Variants in TTC28 observed in about 807,000 individuals in gnomAD.
TTC28 encodes the protein tetratricopeptide repeat domain 28.
TTC28 carries 61 observed loss-of-function variants against 198.0 expected under a neutral mutation model. The observed-to-expected ratio is 0.31, with a 90% CI of 0.25 to 0.38. The LOEUF (loss-of-function observed/expected upper bound fraction) is 0.38. Ranked by LOEUF, TTC28 falls within the 10% of genes least tolerant of loss-of-function variation. TTC28 has a pLI of 1.00. For missense variants in TTC28, 2,678 were observed against 3,164.0 expected (o/e 0.85, Z 3.69); for synonymous variants, 1,171 against 1,297.8 (o/e 0.90, Z 2.10).
intron 5 of TTC28, among the ~76,000 whole-genome samples, chr22:28,274,996 AAAAAG>A (rs1313226201): frequency 6.6e-6 from 1 of 150,918 alleles, no homozygotes; most frequent in Admixed American, 6.6e-5. Flanking sequence ...AAAAAAAAAA[AAAAAG>A]AGAGAGAGAG....
At chr22:28,281,043 A>G (rs975130162) in intron 5 of TTC28, among the ~76,000 whole-genome samples, 3 of 152,060 alleles carry the variant, frequency 2.0e-5, no homozygotes, top group African/African-American at 7.2e-5. Flanking sequence ...TAATTGGTTT[A>G]TAGTAGAATA....
In TTC28 at chr22:28,211,315, C is replaced by A. The variant is rs376487817; in HGVS notation, c.934-47716G>T. On this transcript the variant is annotated intron_variant, in intron 5 of 22. Coordinates refer to ENST00000397906, the MANE Select transcript of TTC28 (RefSeq NM_001145418.2). ...CTTAAATGTAAATGGGTTAAATGCT[C>A]CAATTAAAAGACACAGACTGGCAAA... Among the ~76,000 whole-genome samples the A allele has an allele frequency of 4.6e-5, 7 of 152,218 alleles. No individual in the cohort carries two copies. In the East Asian group the frequency reaches 1.4e-3, roughly 29 times the overall value.
chr22:28,011,909 C>T (rs1292228358), intron 14 of TTC28, among the ~76,000 whole-genome samples: 1 of 152,150 alleles, frequency 6.6e-6, no homozygotes, highest in South Asian at 2.1e-4. Context: ...TCCCGGTCCC[C>T]AAACACCAAT....
intron 12 of TTC28, among the ~76,000 whole-genome samples, chr22:28,072,227 C>T (rs1941015145): frequency 1.3e-5 from 2 of 152,190 alleles, no homozygotes; most frequent in South Asian, 4.1e-4. Context: ...ATTAATGATG[C>T]TATGTTGACC....
intron 21 of TTC28, 59 bp downstream of exon 21, chr22:27,989,819 A>C: frequency 6.6e-7 from 1 of 1,519,532 alleles, no homozygotes; most frequent in South Asian, 1.2e-5. Flanking sequence ...CAGGAGGAAA[A>C]ACAGAGATTT....
intron 21 of TTC28, among the ~76,000 whole-genome samples, chr22:27,989,187 A>G (rs537568908): frequency 1.6e-4 from 24 of 152,228 alleles, no homozygotes; most frequent in African/African-American, 5.5e-4. Context: ...ACAAATGGTA[A>G]AAAAGGGAAA....
intron 14 of TTC28, among the ~76,000 whole-genome samples, chr22:28,006,039 G>A (rs976850199): frequency 5.9e-5 from 9 of 152,342 alleles, no homozygotes; most frequent in East Asian, 5.8e-4. Flanking sequence ...ATGAAAAGCC[G>A]TGTGCAGTGG....
At chr22:28,332,849 A>G (rs553223768) in intron 2 of TTC28, among the ~76,000 whole-genome samples, 134 of 152,248 alleles carry the variant, frequency 8.8e-4, no homozygotes, top group African/African-American at 2.4e-3. Context: ...CTATTGGTCA[A>G]TAAGCTCTGA....
intron 13 of TTC28, among the ~76,000 whole-genome samples, chr22:28,015,869 G>A (rs756804856): frequency 6.6e-6 from 1 of 151,716 alleles, no homozygotes; most frequent in Non-Finnish European, 1.5e-5. Flanking sequence ...TACTGGCAGT[G>A]ACAGCAACTA....
chr22:28,521,255 A>G (rs2048900921), intron 2 of TTC28, among the ~76,000 whole-genome samples: 1 of 151,864 alleles, frequency 6.6e-6, no homozygotes, highest in Non-Finnish European at 1.5e-5. Flanking sequence ...AAAATTAAAA[A>G]AAATTAACTG....
chr22:28,437,616 A>G (rs1347586266), intron 2 of TTC28, among the ~76,000 whole-genome samples: 1 of 151,914 alleles, frequency 6.6e-6, no homozygotes, highest in East Asian at 1.9e-4. Flanking sequence ...TGTTTGATAC[A>G]GGGTATTGCT....
intron 6 of TTC28, among the ~76,000 whole-genome samples, chr22:28,121,500 C>T (rs1310641282): frequency 6.6e-6 from 1 of 152,170 alleles, no homozygotes; most frequent in Non-Finnish European, 1.5e-5. Flanking sequence ...AGTCTCAAGA[C>T]CTAGAGCAGA....
chr22:28,534,296 A>G (rs909435854), intron 2 of TTC28, among the ~76,000 whole-genome samples: 9 of 152,212 alleles, frequency 5.9e-5, no homozygotes, highest in Non-Finnish European at 1.3e-4. Flanking sequence ...TATGCAGCCA[A>G]AAGACACATG....
chr22:28,576,196 T>C (rs9608692), intron 2 of TTC28, among the ~76,000 whole-genome samples: 41,220 of 151,838 alleles, frequency 0.27, 6,994 homozygotes, highest in Middle Eastern at 0.41. Context: ...GTATTTTTAT[T>C]ATGAAGGGAT....
Position 27,983,212 on chromosome 22 carries a change from T to G in TTC28, c.6455A>C (p.Glu2152Ala), listed in dbSNP as rs1172581263. Residue 2152 changes from glutamate (E) to alanine (A), a missense_variant, in exon 23 of 23, where the codon GAA becomes GCA. Glu to Ala is a moderately radical substitution (Grantham distance 107). Around this residue, in one of 8 missense-constraint regions of TTC28, gnomAD observed 622 missense variants for 656.0 expected, o/e 0.95. Transcript: ENST00000397906. ...TTGTGGATCCAGTTTTGGGTTGCTTTCTTCTTGGGATTTCACGGTACTGTC... is the reference window on the plus strand; with the variant it reads ...TTGTGGATCCAGTTTTGGGTTGCTTGCTTCTTGGGATTTCACGGTACTGTC... ...ETDSTVKSQEESNPKLDPQEL... is the reference protein window; with the variant it reads ...ETDSTVKSQEASNPKLDPQEL... 5.8e-6 allele frequency: 9 copies of G among 1,551,742 alleles called. No individual in the cohort carries two copies. Among genetic ancestry groups the G allele is most frequent in the African/African-American group, 2.7e-5 (2 of 73,048 alleles).
intron 6 of TTC28, among the ~76,000 whole-genome samples, chr22:28,123,321 T>C (rs1942835898): frequency 6.6e-6 from 1 of 152,124 alleles, no homozygotes; most frequent in Admixed American, 6.5e-5. Context: ...AATGGCACGA[T>C]CGTGGCTCAC....
intron 5 of TTC28, among the ~76,000 whole-genome samples, chr22:28,231,944 G>A (rs1169529000): frequency 6.6e-6 from 1 of 152,204 alleles, no homozygotes; most frequent in Admixed American, 6.5e-5. Context: ...ACACCTAGGG[G>A]CCACAGTAGT....
chr22:28,586,391 A>G (rs969511920), intron 2 of TTC28, among the ~76,000 whole-genome samples: 3 of 151,974 alleles, frequency 2.0e-5, no homozygotes, highest in African/African-American at 7.2e-5. Context: ...AATAATATAT[A>G]GATTTTTAAA....
chr22:28,270,251 A>G (rs1266222681), intron 5 of TTC28, among the ~76,000 whole-genome samples: 1 of 152,234 alleles, frequency 6.6e-6, no homozygotes, highest in Non-Finnish European at 1.5e-5. Flanking sequence ...AAAGAGACAC[A>G]TTGGGAAAGC....
Sources: gnomAD v4.1 joint callset for allele counts (sites outside exome capture counted in the v4.1 genomes callset) on GRCh38, gnomAD v4.1.1 for gene constraint, gnomAD v4.1.1 regional missense constraint, MANE v1.5 for transcripts, NCBI Gene and HGNC (gene_info 2026-07-23, HGNC 2026-07-21) for gene names.